The following ARHGAP44 variants were observed in gnomAD, a reference collection of about 807,000 sequenced individuals.
The protein encoded by ARHGAP44 is Rho GTPase activating protein 44.
Under a neutral mutation model 106.8 loss-of-function variants are expected in ARHGAP44, and 43 were observed. That is an observed-to-expected ratio of 0.40 (90% CI 0.32 to 0.52). ARHGAP44 has a LOEUF of 0.52. Among genes scored for constraint, ARHGAP44 ranks in the 20% least tolerant of loss-of-function variants. The pLI is 0.48. For synonymous variants in ARHGAP44, 439 were observed against 410.3 expected (o/e 1.07, Z -0.85); for missense variants, 866 against 1,050.5 (o/e 0.82, Z 2.43).
rs1020507850 is a variant in ARHGAP44, at chr17:12,921,321, C to T, written c.464+1490C>T. Among the ~76,000 whole-genome samples, 4 of 152,182 alleles carry T rather than the reference C, an allele frequency of 2.6e-5. No individual in the cohort carries two copies. In the East Asian group the frequency reaches 7.8e-4, roughly 30 times the overall value. ...ACTTCAAGTGATCTGCCCACCTCAG[C>T]CTCCCAAAGTGCTGGGAAATTTTTA... On this transcript the variant is annotated intron_variant, in intron 6 of 20. Coordinates refer to ENST00000379672, the MANE Select transcript of ARHGAP44 (RefSeq NM_014859.6).
intron 7 of ARHGAP44, among the ~76,000 whole-genome samples, chr17:12,930,585 A>G (rs2038371250): frequency 6.6e-6 from 1 of 152,084 alleles, no homozygotes; most frequent in Non-Finnish European, 1.5e-5. Flanking sequence ...TTCCTCTGTT[A>G]AGAATTCTTT....
intron 7 of ARHGAP44, among the ~76,000 whole-genome samples, chr17:12,930,910 A>G (rs1598073685): frequency 1.3e-5 from 2 of 152,200 alleles, no homozygotes; most frequent in African/African-American, 4.8e-5. Context: ...CTTCATTATG[A>G]CAATGCACTT....
At chr17:12,904,106 TG>T (rs1377603050) in intron 3 of ARHGAP44, among the ~76,000 whole-genome samples, 1 of 145,338 alleles carries the variant, frequency 6.9e-6, no homozygotes, top group Non-Finnish European at 1.5e-5. Flanking sequence ...TTGATTCTTT[TG>T]TTTTTTTTCT....
At chr17:12,792,227 G>A (rs1270832307) in intron 1 of ARHGAP44, among the ~76,000 whole-genome samples, 2 of 152,158 alleles carry the variant, frequency 1.3e-5, no homozygotes, top group Middle Eastern at 3.4e-3. Flanking sequence ...CATCATTTCA[G>A]TCTTGGTTCC....
At position 12,896,506 on chromosome 17, in the gene ARHGAP44, C is replaced by T. The variant is rs1337602328; in HGVS notation, c.193C>T (p.Arg65Cys). ...CCAGCAAGGGGCAGAGGCTGACAAG[C>T]GCTCCGTAAGTGCCCTCCCAGCCCT... The part of the protein sequence containing the change: ...QGQQGAEADK[R>C]SKKLPLTTLA... Residue 65 changes from arginine (R) to cysteine (C), a missense_variant, in exon 3 of 21, where the codon CGC (arginine) becomes TGC (cysteine). Physicochemically the swap from Arg to Cys is radical, Grantham distance 180 (BLOSUM62 -3). Transcript: ENST00000379672. 6 of 1,598,776 alleles carry T rather than the reference C, an allele frequency of 3.8e-6. No individual in the cohort carries two copies. Among genetic ancestry groups the T allele is most frequent in the Admixed American group, 1.7e-5 (1 of 58,034 alleles).
chr17:12,985,683 CAG>C (rs972549561), intron 20 of ARHGAP44: 1 of 152,224 alleles, frequency 6.6e-6, no homozygotes, highest in Non-Finnish European at 1.5e-5. Flanking sequence ...ATTATAAAGT[CAG>C]GGGCCTATTT....
In ARHGAP44 at chr17:12,789,523, C is replaced by A. The variant is rs1328577979; in HGVS notation, c.-316C>A. The A allele has an allele frequency of 2.1e-5, 4 of 190,356 alleles. No individual in the cohort carries two copies. In the East Asian group the frequency reaches 3.8e-4, roughly 18 times the overall value. 11.8% of individuals were successfully genotyped at this position (190,356 alleles called of 1,614,324 possible). The stretch of plus-strand genomic sequence containing the variant: ...AGCCAGCCTGCGGAGACTCCCGGGT[C>A]CCCGCGCCGGACTGGGACTGGGAGC... On this transcript the variant is annotated 5_prime_UTR_variant, in exon 1 of 21. Coordinates refer to ENST00000379672, the MANE Select transcript of ARHGAP44 (RefSeq NM_014859.6).
intron 1 of ARHGAP44, among the ~76,000 whole-genome samples, chr17:12,866,431 A>G (rs2036241613): frequency 6.6e-6 from 1 of 152,150 alleles, no homozygotes; most frequent in Non-Finnish European, 1.5e-5. Context: ...TGCACCCCAC[A>G]GCATCAGCCT....
chr17:12,958,539 CAT>C lies in ARHGAP44; in HGVS notation c.1343-177_1343-176del, dbSNP rs1241953629. Among the ~76,000 whole-genome samples, 5 of 151,662 alleles carry C rather than the reference CAT, an allele frequency of 3.3e-5. No individual in the cohort carries two copies. The highest frequency in any genetic ancestry group is 5.9e-5 in the Non-Finnish European group (4 of 67,978). On this transcript the variant is annotated intron_variant, in intron 15 of 20. Transcript: ENST00000379672. This position sits in a 1 kb window ranked among gnomAD's most constrained non-coding sequence, Gnocchi z 4.1. Reference sequence around the variant, plus strand: ...TATTAAATGCCTATATAGGTGATCACATGTGTCCCCCTTTTTGGCCTGTTAAT... The same window carrying C: ...TATTAAATGCCTATATAGGTGATCACGTGTCCCCCTTTTTGGCCTGTTAAT...
intron 1 of ARHGAP44, among the ~76,000 whole-genome samples, chr17:12,852,429 G>C (rs970020554): frequency 6.0e-5 from 9 of 149,034 alleles, no homozygotes; most frequent in African/African-American, 2.2e-4. Flanking sequence ...TCTATTTTAT[G>C]TTTTTTTGAA....
intron 1 of ARHGAP44, among the ~76,000 whole-genome samples, chr17:12,891,898 C>T (rs939382254): frequency 3.3e-5 from 5 of 151,696 alleles, no homozygotes; most frequent in African/African-American, 7.3e-5. Flanking sequence ...CAGGTTCAAG[C>T]GATTCTCCTG....
At position 12,909,460 on chromosome 17, in the gene ARHGAP44, A is replaced by T. The variant is rs150362508; in HGVS notation, c.275+487A>T. Among the ~76,000 whole-genome samples the T allele has an allele frequency of 3.8e-4, 58 of 152,330 alleles. No homozygotes were observed. In the East Asian group the frequency reaches 8.9e-3, roughly 23 times the overall value. On this transcript the variant is annotated intron_variant, in intron 4 of 20. Transcript: ENST00000379672. ...TGGAAATTTTAAAATTAAAAAACAG[A>T]ATCCTTGACAAGAGAATCAAACAAT...
rs541626039 is a variant in ARHGAP44, at chr17:12,835,196, C to G, written c.53+45305C>G. ...GTATCAAATCTTGGGGAAAGGTTTT[C>G]AACTAAGGTGTAAATGATCAAATGG... On this transcript the variant is annotated intron_variant, in intron 1 of 20. Coordinates refer to ENST00000379672, the MANE Select transcript of ARHGAP44 (RefSeq NM_014859.6). Among the ~76,000 whole-genome samples the G allele has an allele frequency of 2.0e-5, 3 of 152,232 alleles. No homozygotes were observed. The South Asian group carries it at 6.2e-4, about 32-fold the overall frequency.
intron 3 of ARHGAP44, among the ~76,000 whole-genome samples, chr17:12,900,525 C>G (rs1274169741): frequency 6.6e-6 from 1 of 152,170 alleles, no homozygotes; most frequent in East Asian, 1.9e-4. Flanking sequence ...GAAGTCCTTG[C>G]ATTTCTCATT....
In ARHGAP44 at chr17:12,984,821, C is replaced by G. The variant is rs1248698117; in HGVS notation, c.2230C>G (p.Pro744Ala). 39 of 1,614,004 alleles carry G rather than the reference C, an allele frequency of 2.4e-5. No individual in the cohort carries two copies. The highest frequency in any genetic ancestry group is 3.2e-5 in the Non-Finnish European group (38 of 1,179,910). Residue 744 changes from proline (P) to alanine (A), a missense_variant, in exon 20 of 21, where the codon CCC (proline) becomes GCC (alanine). Physicochemically the swap from Pro to Ala is conservative, Grantham distance 27. This residue lies in a region of ARHGAP44 where 418 missense variants were observed against 403.6 expected (regional missense o/e 1.04). Transcript: ENST00000379672. ...ACCTACTCTGCCGCCTCCTCAGCCT[C>G]CCACAGTAAACCTCTCGGCCTCTAG... is the stretch of plus-strand genomic sequence containing the variant. ...QRPTLPPPQPPTVNLSASSPQ... is the reference protein window; with the variant it reads ...QRPTLPPPQPATVNLSASSPQ...
rs544357858 is a variant in ARHGAP44, at chr17:12,907,191, G to A, written c.199-1706G>A. On this transcript the variant is annotated intron_variant, in intron 3 of 20. Transcript: ENST00000379672. ...ACTACCTTTGTAGCTACGTAGACTG[G>A]AAGACCTGAGAAGGTGCTAGTGGTT... 3.3e-5 allele frequency among the ~76,000 whole-genome samples: 5 copies of A among 152,322 alleles called. No individual in the cohort carries two copies. In the South Asian group the frequency reaches 1.0e-3, roughly 32 times the overall value.
chr17:12,981,452 CA>C (rs1486254123), intron 19 of ARHGAP44, among the ~76,000 whole-genome samples: 1 of 151,378 alleles, frequency 6.6e-6, no homozygotes, highest in African/African-American at 2.4e-5. Flanking sequence ...GGCTGGAGTG[CA>C]ATGGCACAAT....
chr17:12,874,885 T>A (rs2036507409), intron 1 of ARHGAP44, among the ~76,000 whole-genome samples: 1 of 146,504 alleles, frequency 6.8e-6, no homozygotes, highest in Non-Finnish European at 1.5e-5. Context: ...AAGGGAAAGT[T>A]AGATATGCCT....
At chr17:12,855,918 T>C (rs2035895472) in intron 1 of ARHGAP44, among the ~76,000 whole-genome samples, 1 of 152,178 alleles carries the variant, frequency 6.6e-6, no homozygotes, top group Non-Finnish European at 1.5e-5. Context: ...GTCATGCTTG[T>C]GGTCGAGCTC....
Sources: gnomAD v4.1 joint callset for allele counts (sites outside exome capture counted in the v4.1 genomes callset) on GRCh38, gnomAD v4.1.1 for gene constraint, gnomAD v4.1.1 regional missense constraint, Gnocchi (gnomAD v3.1) non-coding constraint, MANE v1.5 for transcripts, NCBI Gene and HGNC (gene_info 2026-07-23, HGNC 2026-07-21) for gene names.